Variants in SINHCAF observed in about 807,000 individuals in gnomAD.
SINHCAF encodes the protein SIN3-HDAC complex associated factor.
Under a neutral mutation model 25.8 loss-of-function variants are expected in SINHCAF, and 3 were observed. That is an observed-to-expected ratio of 0.12 (90% CI 0.05 to 0.30). SINHCAF has a LOEUF of 0.30. Ranked by LOEUF, SINHCAF falls within the 10% of genes least tolerant of loss-of-function variation. SINHCAF has a pLI of 1.00. For synonymous variants in SINHCAF, 70 were observed against 85.5 expected, an observed-to-expected ratio of 0.82 and a Z score of 1.00; for missense variants, 121 against 262.3, an observed-to-expected ratio of 0.46 and a Z score of 3.72.
At chr12:31,296,187 A>G (rs1000025004) in intron 2 of SINHCAF, among the ~76,000 whole-genome samples, 1 of 152,070 alleles carries the variant, frequency 6.6e-6, no homozygotes, top group Non-Finnish European at 1.5e-5. Flanking sequence ...GTGGGGGTGA[A>G]CAGGATCTCA....
intron 4 of SINHCAF, among the ~76,000 whole-genome samples, chr12:31,290,316 A>G (rs549396001): frequency 2.0e-5 from 3 of 151,808 alleles, no homozygotes; most frequent in Non-Finnish European, 4.4e-5. Context: ...TAATTTTTTT[A>G]TATTTTTAGT....
intron 2 of SINHCAF, among the ~76,000 whole-genome samples, chr12:31,297,821 G>A (rs1224884737): frequency 1.3e-5 from 2 of 152,008 alleles, no homozygotes; most frequent in Non-Finnish European, 2.9e-5. Context: ...ACAAAAGGAA[G>A]TCAACAACAA....
At chr12:31,309,164 C>CTTGATAT (rs1178144129) in intron 1 of SINHCAF, among the ~76,000 whole-genome samples, 1 of 150,460 alleles carries the variant, frequency 6.6e-6, no homozygotes, top group Admixed American at 6.6e-5. Flanking sequence ...CACTATCATC[C>CTTGATAT]TTGATATTTG....
intron 1 of SINHCAF, chr12:31,302,955 T>C (rs1330736658): frequency 2.0e-6 from 2 of 985,312 alleles, no homozygotes; most frequent in Admixed American, 1.2e-4. Flanking sequence ...ATGTCCAAAC[T>C]GCAGCCATCT....
At chr12:31,302,142 CT>C (rs1938823284) in intron 1 of SINHCAF, among the ~76,000 whole-genome samples, 1 of 152,116 alleles carries the variant, frequency 6.6e-6, no homozygotes, top group Admixed American at 6.6e-5. Context: ...CCCATACAAT[CT>C]CATCCTTAAC....
chr12:31,283,539 G>A (rs758244296), intron 5 of SINHCAF, among the ~76,000 whole-genome samples: 2 of 151,976 alleles, frequency 1.3e-5, no homozygotes, highest in Non-Finnish European at 2.9e-5. Flanking sequence ...GGAAGTGGAG[G>A]TTGCAGTGAG....
At chr12:31,291,151 GA>G in intron 4 of SINHCAF, among the ~76,000 whole-genome samples, 1 of 152,134 alleles carries the variant, frequency 6.6e-6, no homozygotes, top group Non-Finnish European at 1.5e-5. Flanking sequence ...AACACTCCAG[GA>G]ACTGACTCAG....
intron 4 of SINHCAF, among the ~76,000 whole-genome samples, chr12:31,291,461 T>C (rs945712428): frequency 6.6e-6 from 1 of 152,086 alleles, no homozygotes; most frequent in Non-Finnish European, 1.5e-5. Context: ...CACCACAAAA[T>C]GTCTTGAAAA....
At chr12:31,285,098 T>C (rs920849830) in intron 5 of SINHCAF, among the ~76,000 whole-genome samples, 3 of 152,142 alleles carry the variant, frequency 2.0e-5, no homozygotes, top group African/African-American at 7.2e-5. Context: ...CTTTAAATGT[T>C]ATTCAACGGC....
intron 1 of SINHCAF, among the ~76,000 whole-genome samples, chr12:31,307,889 A>G (rs1156632699): frequency 6.6e-6 from 1 of 152,160 alleles, no homozygotes; most frequent in Non-Finnish European, 1.5e-5. Context: ...CCCCATCTTC[A>G]TGAACAGAAA....
chr12:31,323,129 A>G (rs1355849769), intron 1 of SINHCAF, among the ~76,000 whole-genome samples: 2 of 152,128 alleles, frequency 1.3e-5, no homozygotes, highest in African/African-American at 4.8e-5. Flanking sequence ...TTGCTTCTTC[A>G]AGGTCATCCT....
rs200310960 is a variant in SINHCAF at position 31,289,815 on chromosome 12, T to A, written c.356-2031A>T. ...GAAAATTTGGGTTTTTTTTTTTTTT[T>A]AATTATTTTTATCTTTTGGTTTTCC... On this transcript the variant is annotated intron_variant, in intron 4 of 5. Coordinates refer to ENST00000337682, the MANE Select transcript of SINHCAF (RefSeq NM_001135812.2). Among the ~76,000 whole-genome samples, 1,040 of 145,086 alleles carry A rather than the reference T, an allele frequency of 7.2e-3. 9 individuals carry two copies. Among genetic ancestry groups the A allele is most frequent in the African/African-American group, 0.017 (669 of 39,478 alleles).
At chr12:31,283,855 TACACACACAC>T (rs57162055) in intron 5 of SINHCAF, among the ~76,000 whole-genome samples, 28 of 140,568 alleles carry the variant, frequency 2.0e-4, no homozygotes, top group East Asian at 6.4e-4. Flanking sequence ...AGTTATCCAT[TACACACACAC>T]ACACACACAC....
At chr12:31,294,307 A>G (rs1421651522) in intron 3 of SINHCAF, among the ~76,000 whole-genome samples, 3 of 152,250 alleles carry the variant, frequency 2.0e-5, no homozygotes, top group African/African-American at 7.2e-5. Flanking sequence ...TATTTAGTAC[A>G]AAGCAAAAAA....
At chr12:31,305,606 G>A (rs191030280) in intron 1 of SINHCAF, among the ~76,000 whole-genome samples, 2 of 151,978 alleles carry the variant, frequency 1.3e-5, no homozygotes, top group Admixed American at 1.3e-4. Flanking sequence ...CGGGGACTTA[G>A]CCAATTGTGT....
intron 1 of SINHCAF, among the ~76,000 whole-genome samples, chr12:31,308,811 C>T (rs1019093570): frequency 6.6e-6 from 1 of 152,024 alleles, no homozygotes; most frequent in African/African-American, 2.4e-5. Context: ...TTTAAAAAGG[C>T]ACTACAGAGA....
At chr12:31,320,463 T>C (rs766284624) in intron 1 of SINHCAF, among the ~76,000 whole-genome samples, 3 of 152,190 alleles carry the variant, frequency 2.0e-5, no homozygotes, top group Non-Finnish European at 4.4e-5. Context: ...TTATCTCCTC[T>C]ACTCAATAGT....
intron 2 of SINHCAF, chr12:31,296,949 C>T: frequency 4.7e-6 from 2 of 421,196 alleles, no homozygotes; most frequent in South Asian, 1.7e-5. Context: ...ACGGGAGGAT[C>T]ACTTGAGCCC....
chr12:31,289,544 T>C (rs1006045042), intron 4 of SINHCAF, among the ~76,000 whole-genome samples: 2 of 152,224 alleles, frequency 1.3e-5, no homozygotes, highest in African/African-American at 4.8e-5. Context: ...CAGATAAATG[T>C]ACAAGCCAGA....
Sources: gnomAD v4.1 joint callset for allele counts (sites outside exome capture counted in the v4.1 genomes callset) on GRCh38, gnomAD v4.1.1 for gene constraint, MANE v1.5 for transcripts, NCBI Gene and HGNC (gene_info 2026-07-23, HGNC 2026-07-21) for gene names.